The following LVRN variants were observed in gnomAD, a reference collection of about 807,000 sequenced individuals.
LVRN encodes aminopeptidase Q.
A neutral mutation model predicts 111.4 loss-of-function variants in LVRN; 99 were observed. The observed-to-expected ratio is 0.89, with a 90% CI of 0.76 to 1.05. The LOEUF is 1.05. LVRN is among the 50% of genes least tolerant of loss of function. The probability of loss-of-function intolerance (pLI) is 0.00; values close to 1 mark genes in which losing one functional copy is unlikely to be tolerated. For missense variants in LVRN, 1,414 were observed against 1,206.8 expected, an observed-to-expected ratio of 1.17 and a Z score of -2.54; for synonymous variants, 488 against 449.5, an observed-to-expected ratio of 1.09 and a Z score of -1.08.
intron 18 of LVRN, chr5:116,021,505 T>A (rs2112646911): frequency 4.3e-6 from 1 of 230,332 alleles, no homozygotes; most frequent in African/African-American, 2.3e-5. Context: ...CAGTGTAAGT[T>A]ACAGCTAGAA....
intron 6 of LVRN, among the ~76,000 whole-genome samples, chr5:115,999,304 T>G (rs951050147): frequency 2.6e-5 from 4 of 152,224 alleles, no homozygotes; most frequent in Non-Finnish European, 5.9e-5. Flanking sequence ...TATTTTCAAT[T>G]TTAAATTATT....
chr5:115,999,841 A>G lies in LVRN; in HGVS notation c.1454A>G (p.Lys485Arg). ...CTGGTGACTAGAGCTGTGGCCATGA[A>G]GGTGGAAAATTTCAAAACAAGTGAA... is the stretch of plus-strand genomic sequence containing the variant. ...HALVTRAVAM[K>R]VENFKTSEIQ... Residue 485 changes from lysine (K) to arginine (R), a missense_variant, in exon 7 of 20, where the codon AAG (lysine) becomes AGG (arginine). Physicochemically the swap from Lys to Arg is conservative, Grantham distance 26. Coordinates refer to ENST00000357872, the MANE Select transcript of LVRN (RefSeq NM_173800.5). 3 of 1,613,738 alleles carry G rather than the reference A, an allele frequency of 1.9e-6. No individual in the cohort carries two copies. Among genetic ancestry groups the G allele is most frequent in the Non-Finnish European group, 2.5e-6 (3 of 1,179,812 alleles).
At chr5:116,006,909 G>A (rs1748387778) in intron 13 of LVRN, among the ~76,000 whole-genome samples, 1 of 152,110 alleles carries the variant, frequency 6.6e-6, no homozygotes, top group Non-Finnish European at 1.5e-5. Flanking sequence ...CCTTGCTCTT[G>A]CTATCAATTT....
At chr5:115,999,578 A>G (rs1748193524) in intron 6 of LVRN, among the ~76,000 whole-genome samples, 184 bp from the exon 7 acceptor site, 1 of 152,182 alleles carries the variant, frequency 6.6e-6, no homozygotes, top group African/African-American at 2.4e-5. Context: ...GAAGGAAACT[A>G]TCTTATAGTT....
chr5:115,983,216 T>C, intron 1 of LVRN, 71 bp from the exon 2 acceptor site: 1 of 1,445,530 alleles, frequency 6.9e-7, no homozygotes, highest in Non-Finnish European at 9.1e-7. Flanking sequence ...CAAGCCATCA[T>C]CTCTCAATGT....
At chr5:115,987,771 A>C in intron 3 of LVRN, 42 bp from the exon 4 acceptor site, 1 of 1,585,924 alleles carries the variant, frequency 6.3e-7, no homozygotes, top group Non-Finnish European at 8.6e-7. Context: ...TTCCAAAATC[A>C]CTACTGGTTT....
intron 1 of LVRN, among the ~76,000 whole-genome samples, chr5:115,969,840 A>T (rs1000157733): frequency 5.3e-5 from 8 of 151,714 alleles, no homozygotes; most frequent in Non-Finnish European, 1.0e-4. Context: ...TTTATCTTTA[A>T]CATTTCTACA....
intron 13 of LVRN, among the ~76,000 whole-genome samples, chr5:116,008,715 A>G (rs1013661528): frequency 1.3e-5 from 2 of 152,214 alleles, no homozygotes; most frequent in African/African-American, 4.8e-5. Flanking sequence ...CCTAATCCAG[A>G]GCAAGGTCCT....
At chr5:116,012,562 C>T in intron 15 of LVRN, 94 bp downstream of exon 15, 1 of 761,626 alleles carries the variant, frequency 1.3e-6, no homozygotes, top group Non-Finnish European at 2.1e-6. Flanking sequence ...ATCTGTTATT[C>T]ATTGAGAGAT....
intron 1 of LVRN, among the ~76,000 whole-genome samples, chr5:115,972,583 A>AT (rs1753350993): frequency 1.3e-5 from 2 of 151,684 alleles, no homozygotes; most frequent in African/African-American, 2.4e-5. Context: ...CCTTTTATTT[A>AT]TTTTTCTTGC....
At chr5:115,995,055 C>A (rs147473316) in intron 6 of LVRN, among the ~76,000 whole-genome samples, 69 of 152,298 alleles carry the variant, frequency 4.5e-4, no homozygotes, top group Middle Eastern at 6.8e-3. Context: ...TCCTCCCTAC[C>A]TTCACTCATT....
At position 115,983,412 on chromosome 5, in the gene LVRN, C is replaced by T. The variant is rs1181464795; in HGVS notation, c.821C>T (p.Ser274Phe). ...CATCATCCAAGTTATGTGGCCCTTT[C>T]CAACATGCCAAAGCTAGGTAAGTAA... Reference protein sequence around the residue: ...MIHHPSYVALSNMPKLGQSEK... With the variant: ...MIHHPSYVALFNMPKLGQSEK... Residue 274 changes from serine to phenylalanine, a missense_variant, in exon 2 of 20, where the codon TCC (serine) becomes TTC (phenylalanine). Ser to Phe is a radical substitution (Grantham distance 155). Coordinates refer to ENST00000357872, the MANE Select transcript of LVRN (RefSeq NM_173800.5). The T allele has an allele frequency of 1.2e-6, 2 of 1,603,906 alleles. No homozygotes were observed. Among genetic ancestry groups the T allele is most frequent in the Non-Finnish European group, 1.7e-6 (2 of 1,176,964 alleles).
At chr5:115,968,875 C>T (rs919972589) in intron 1 of LVRN, among the ~76,000 whole-genome samples, 3 of 152,134 alleles carry the variant, frequency 2.0e-5, no homozygotes, top group African/African-American at 4.8e-5. Context: ...TAAACAAAGT[C>T]CCATGGAGGA....
intron 1 of LVRN, among the ~76,000 whole-genome samples, chr5:115,964,273 A>T (rs1753155667): frequency 6.6e-6 from 1 of 152,218 alleles, no homozygotes; most frequent in Admixed American, 6.5e-5. Context: ...ATTAGAGAAA[A>T]TGTTCTCAGA....
chr5:115,974,061 GA>G (rs1753383990), intron 1 of LVRN, among the ~76,000 whole-genome samples: 1 of 152,132 alleles, frequency 6.6e-6, no homozygotes, highest in African/African-American at 2.4e-5. Flanking sequence ...TGTTGAGTTT[GA>G]AGTAGGAGGT....
chr5:115,988,015 GAC>G, intron 4 of LVRN, 76 bp downstream of exon 4: 2 of 1,529,288 alleles, frequency 1.3e-6, no homozygotes, highest in South Asian at 2.6e-5. Flanking sequence ...AAGATACACA[GAC>G]AAACCCATAA....
intron 6 of LVRN, among the ~76,000 whole-genome samples, chr5:115,996,470 A>G (rs1027707982): frequency 6.6e-6 from 1 of 152,172 alleles, no homozygotes; most frequent in Non-Finnish European, 1.5e-5. Flanking sequence ...GGACATTGCC[A>G]CGTTCTTTGT....
chr5:116,010,196 A>C (rs1748455619), intron 13 of LVRN, among the ~76,000 whole-genome samples: 1 of 152,200 alleles, frequency 6.6e-6, no homozygotes, highest in Non-Finnish European at 1.5e-5. Context: ...TGTTTTTCTT[A>C]GACATAATGC....
chr5:116,016,743 T>C (rs967900944), intron 18 of LVRN, among the ~76,000 whole-genome samples: 1 of 150,778 alleles, frequency 6.6e-6, no homozygotes, highest in Non-Finnish European at 1.5e-5. Context: ...TCTTCCAAAC[T>C]CCAGCTTGGG....
Sources: allele counts gnomAD v4.1 joint callset (sites outside exome capture counted in the v4.1 genomes callset), GRCh38; gene constraint gnomAD v4.1.1; transcripts MANE v1.5; gene names NCBI Gene and HGNC (gene_info 2026-07-23, HGNC 2026-07-21).